MCFD2: variants seen among roughly 807,000 people sequenced by gnomAD.
MCFD2 encodes multiple coagulation factor deficiency protein 2.
In MCFD2, 11 loss-of-function variants were observed where a neutral mutation model predicts 12.8. The observed-to-expected ratio is 0.86, with a 90% CI of 0.54 to 1.42. The LOEUF is 1.42. Among genes scored for constraint, MCFD2 ranks in the 40% most tolerant of loss-of-function variants. The pLI is 0.00. For missense variants in MCFD2, 191 were observed against 178.6 expected (o/e 1.07, Z -0.40); for synonymous variants, 70 against 68.1 (o/e 1.03, Z -0.14).
Position 46,907,702 on chromosome 2 carries a change from G to A in MCFD2, c.309+108C>T. 1.7e-6 allele frequency: 2 copies of A among 1,211,912 alleles called. No homozygotes were observed. The highest frequency in any genetic ancestry group is 2.5e-5 in the South Asian group (2 of 81,216). The allele number at this position is 1,211,912 out of a possible 1,614,324, so 75.1% of individuals were successfully genotyped here. ...GCGAGCCATCATGCCCAGTGGAGAA[G>A]CAGCACTCTTGGCACATAAGGACAA... is the stretch of plus-strand genomic sequence containing the variant. On this transcript the variant is annotated intron_variant, in intron 3 of 3. Transcript: ENST00000319466. The surrounding 1 kb of genome is among the most constrained non-coding windows in gnomAD (Gnocchi z 4.1).
chr2:46,931,854 A>G (rs1051468171), intron 1 of MCFD2, among the ~76,000 whole-genome samples: 3 of 152,144 alleles, frequency 2.0e-5, no homozygotes, highest in Non-Finnish European at 4.4e-5. Context: ...TAATGAATAC[A>G]TGTTGTTTAA....
At chr2:46,914,852 C>G (rs777850440) in intron 1 of MCFD2, among the ~76,000 whole-genome samples, 64 of 152,142 alleles carry the variant, frequency 4.2e-4, no homozygotes, top group Non-Finnish European at 6.3e-4. Flanking sequence ...GATCTAAGAA[C>G]CAAAAAAGAT....
At chr2:46,935,296 T>C (rs976789459) in intron 1 of MCFD2, among the ~76,000 whole-genome samples, 20 of 152,146 alleles carry the variant, frequency 1.3e-4, no homozygotes, top group Non-Finnish European at 1.5e-5. Flanking sequence ...GCCCAGGAGT[T>C]CAAGGCTGCA....
At chr2:46,906,584 C>T (rs550911418) in intron 3 of MCFD2, among the ~76,000 whole-genome samples, 1 of 149,068 alleles carries the variant, frequency 6.7e-6, no homozygotes, top group Middle Eastern at 3.4e-3. Context: ...CTCCCAGGCT[C>T]AGGTGTTCCT....
In MCFD2 at chr2:46,903,890, A is replaced by AT. The variant is rs1384255380; in HGVS notation, c.*1572dup. Reference sequence around the variant, plus strand: ...ATTCAAGCCAGCTGCAGAAATTTGCATAAGTAGCAAGGAGCCTAATGTTAA... The same window carrying AT: ...ATTCAAGCCAGCTGCAGAAATTTGCATTAAGTAGCAAGGAGCCTAATGTTAA... On this transcript the variant is annotated 3_prime_UTR_variant, in exon 4 of 4. Coordinates refer to ENST00000319466, the MANE Select transcript of MCFD2 (RefSeq NM_139279.6). The AT allele has an allele frequency of 6.6e-6, 1 of 152,214 alleles. No homozygotes were observed. The highest frequency in any genetic ancestry group is 1.5e-5 in the Non-Finnish European group (1 of 68,026). The allele number at this position is 152,214 out of a possible 1,614,324, so 9.4% of individuals were successfully genotyped here. A position where few individuals can be genotyped will look rare whatever the true frequency, so the allele number is the denominator to read the frequency against.
At chr2:46,923,130 T>A (rs1669192768) in intron 1 of MCFD2, among the ~76,000 whole-genome samples, 1 of 152,230 alleles carries the variant, frequency 6.6e-6, no homozygotes, top group Non-Finnish European at 1.5e-5. Flanking sequence ...GTCTTCTCAT[T>A]CATCTTCCTG....
Position 46,941,731 on chromosome 2 carries a change from TA to T in MCFD2, c.-168del. 1 of 1,549,240 alleles carries T rather than the reference TA, an allele frequency of 6.5e-7. No homozygotes were observed. The highest frequency in any genetic ancestry group is 1.4e-5 in the African/African-American group (1 of 73,100). On this transcript the variant is annotated 5_prime_UTR_variant, in exon 1 of 3. Transcript: ENST00000409147. This position sits in a 1 kb window ranked among gnomAD's most constrained non-coding sequence, Gnocchi z 4.2. ...GTTCACCTTTCCGGACACCGGTGAG[TA>T]AGGGAAGAGGCTGGCTCGCCGGCAG...
chr2:46,915,971 GTTC>G (rs915182900), upstream of MCFD2: 4 of 985,330 alleles, frequency 4.1e-6, no homozygotes, highest in African/African-American at 5.2e-5. Flanking sequence ...GACTGACGCA[GTTC>G]TTCTACCTGC....
Position 46,941,797 on chromosome 2 carries a change from C to G in MCFD2, c.-233G>C. On this transcript the variant is annotated 5_prime_UTR_variant, in exon 1 of 3. Transcript: ENST00000409147. The surrounding 1 kb of genome is among the most constrained non-coding windows in gnomAD (Gnocchi z 4.2). The stretch of plus-strand genomic sequence containing the variant: ...GCACCGCCTCCTCCAGGAAGCGCGC[C>G]CAGACAGTCCTCGGCCGACAGCGGG... The G allele has an allele frequency of 2.0e-6, 3 of 1,533,794 alleles. No individual in the cohort carries two copies. The highest frequency in any genetic ancestry group is 2.4e-5 in the South Asian group (2 of 82,928).
At chr2:46,930,114 TAAGTA>T (rs1162265349) in intron 1 of MCFD2, among the ~76,000 whole-genome samples, 1 of 152,218 alleles carries the variant, frequency 6.6e-6, no homozygotes, top group Non-Finnish European at 1.5e-5. Flanking sequence ...TACTGTTATT[TAAGTA>T]CAGAAGAAAC....
Position 46,940,715 on chromosome 2 carries a change from A to T in MCFD2, c.-8+857T>A, listed in dbSNP as rs1286009929. 1.3e-5 allele frequency among the ~76,000 whole-genome samples: 2 copies of T among 152,228 alleles called. No homozygotes were observed. The highest frequency in any genetic ancestry group is 2.9e-5 in the Non-Finnish European group (2 of 68,034). ...AAGAAAATACAAATGCTCCCAGCAG[A>T]GGGGCGTCCAGAGAGTCGCGGGCCT... On this transcript the variant is annotated intron_variant, in intron 1 of 2. Coordinates refer to the MCFD2 transcript ENST00000409147. This position sits in a 1 kb window ranked among gnomAD's most constrained non-coding sequence, Gnocchi z 4.7.
At chr2:46,932,207 T>G (rs1572652306) in intron 1 of MCFD2, among the ~76,000 whole-genome samples, 1 of 151,890 alleles carries the variant, frequency 6.6e-6, no homozygotes, top group Non-Finnish European at 1.5e-5. Context: ...TGGAGTGCAG[T>G]GGCGGGGTCT....
intron 3 of MCFD2, chr2:46,906,067 G>T (rs1483507103): frequency 4.3e-6 from 2 of 464,306 alleles, no homozygotes; most frequent in East Asian, 1.4e-4. Flanking sequence ...AGCAGAACCT[G>T]TTATGATCTT....
Position 46,937,557 on chromosome 2 carries a change from C to T in MCFD2, c.-8+4015G>A, listed in dbSNP as rs1194811623. 6.6e-6 allele frequency among the ~76,000 whole-genome samples: 1 copy of T among 152,156 alleles called. No homozygotes were observed. The highest frequency in any genetic ancestry group is 1.5e-5 in the Non-Finnish European group (1 of 68,028). ...TATATGCCAGTAGGGGCCTCAGAAG[C>T]AAAACATTGGATGAAAAAGTCAGAA... On this transcript the variant is annotated intron_variant, in intron 1 of 2. Transcript: ENST00000409147. The surrounding 1 kb of genome is among the most constrained non-coding windows in gnomAD (Gnocchi z 4.0).
Position 46,922,163 on chromosome 2 carries a change from T to G in MCFD2, c.-7-14194A>C, listed in dbSNP as rs114839774. Among the ~76,000 whole-genome samples, 750 of 152,216 alleles carry G rather than the reference T, an allele frequency of 4.9e-3. 6 individuals carry two copies. Among genetic ancestry groups the G allele is most frequent in the African/African-American group, 0.017 (718 of 41,564 alleles). ...GTCATCAAACAACAACTTTAGTTAC[T>G]TATAGATTCTGATGACCTGGAGATT... On this transcript the variant is annotated intron_variant, in intron 1 of 2. Transcript: ENST00000409147.
chr2:46,918,071 G>A (rs1440553848), upstream of MCFD2, among the ~76,000 whole-genome samples: 1 of 152,150 alleles, frequency 6.6e-6, no homozygotes, highest in Non-Finnish European at 1.5e-5. Flanking sequence ...TGACCTCTCT[G>A]TGTAATTCCT....
chr2:46,913,430 C>T (rs911149516), intron 1 of MCFD2, among the ~76,000 whole-genome samples: 1 of 151,976 alleles, frequency 6.6e-6, no homozygotes, highest in Non-Finnish European at 1.5e-5. Context: ...AGAAGGCAGG[C>T]GAGGGAGGGA....
upstream of MCFD2, among the ~76,000 whole-genome samples, chr2:46,918,673 C>T (rs1668944599): frequency 6.6e-6 from 1 of 152,190 alleles, no homozygotes; most frequent in Non-Finnish European, 1.5e-5. Context: ...CCTTATAAGC[C>T]GTAGTGAAAC....
intron 1 of MCFD2, among the ~76,000 whole-genome samples, chr2:46,921,876 C>A (rs1669122946): frequency 6.7e-6 from 1 of 150,282 alleles, no homozygotes. Flanking sequence ...TGATCTGACA[C>A]TGACAGGAGG....
Sources: gnomAD v4.1 joint callset for allele counts (sites outside exome capture counted in the v4.1 genomes callset) on GRCh38, gnomAD v4.1.1 for gene constraint, Gnocchi (gnomAD v3.1) non-coding constraint, MANE v1.5 for transcripts, NCBI Gene and HGNC (gene_info 2026-07-23, HGNC 2026-07-21) for gene names.